PCOLCE2: variants seen among roughly 807,000 people sequenced by gnomAD.
PCOLCE2 encodes procollagen C-proteinase enhancer 2.
In PCOLCE2, 42 loss-of-function variants were observed where a neutral mutation model predicts 47.0. That is an observed-to-expected ratio of 0.89 (90% CI 0.70 to 1.16). The LOEUF (loss-of-function observed/expected upper bound fraction) is 1.16. Ranked by LOEUF, PCOLCE2 falls within the 50% of genes most tolerant of loss-of-function variation. The pLI is 0.00. For synonymous variants in PCOLCE2, 169 were observed against 191.7 expected (o/e 0.88, Z 0.98); for missense variants, 500 against 526.1 (o/e 0.95, Z 0.49).
In PCOLCE2 at chr3:142,854,363, G is replaced by C. The variant is rs371613875; in HGVS notation, c.193-5891C>G. 4.2e-3 allele frequency among the ~76,000 whole-genome samples: 642 copies of C among 151,614 alleles called. 3 individuals carry two copies. Among genetic ancestry groups the C allele is most frequent in the African/African-American group, 0.014 (585 of 41,280 alleles). On this transcript the variant is annotated intron_variant, in intron 2 of 8. Coordinates refer to ENST00000295992, the MANE Select transcript of PCOLCE2 (RefSeq NM_013363.4). Reference sequence around the variant, plus strand: ...ACGTAAAGCTCGAGGTGACCACTCAGTGTCACCTCTCCCATGGACCTCCAA... The same window carrying C: ...ACGTAAAGCTCGAGGTGACCACTCACTGTCACCTCTCCCATGGACCTCCAA...
chr3:142,849,102 G>A (rs1053138045), intron 2 of PCOLCE2, among the ~76,000 whole-genome samples: 7 of 151,668 alleles, frequency 4.6e-5, no homozygotes, highest in Non-Finnish European at 1.0e-4. Context: ...GCAGTGAGCC[G>A]AGATCGCGCC....
At chr3:142,848,024 A>G (rs1937346003) in intron 3 of PCOLCE2, among the ~76,000 whole-genome samples, 193 bp downstream of exon 3, 1 of 152,230 alleles carries the variant, frequency 6.6e-6, no homozygotes. Flanking sequence ...ATGAATTTCT[A>G]TACTTGATTT....
chr3:142,842,851 T>G lies in PCOLCE2; in HGVS notation c.573+73A>C. 26 of 1,492,920 alleles carry G rather than the reference T, an allele frequency of 1.7e-5. No individual in the cohort carries two copies. The highest frequency in any genetic ancestry group is 2.4e-5 in the Non-Finnish European group (26 of 1,077,934). The allele number at this position is 1,492,920 out of a possible 1,614,324, so 92.5% of individuals were successfully genotyped here. ...AATAGCCCCCACAACAGGAGGCTCT[T>G]GAGAGTTGGTGGGCCCCCCACACTG... On this transcript the variant is annotated intron_variant, in intron 4 of 8. Transcript: ENST00000295992. The surrounding 1 kb of genome is among the most constrained non-coding windows in gnomAD (Gnocchi z 4.1).
At chr3:142,888,669 C>T (rs895236715) in intron 1 of PCOLCE2, 145 bp downstream of exon 1, 34 of 463,962 alleles carry the variant, frequency 7.3e-5, no homozygotes, top group African/African-American at 6.1e-4. Flanking sequence ...CCGAGGGTGG[C>T]GGACGCCTGC....
At position 142,857,637 on chromosome 3, in the gene PCOLCE2, G is replaced by A. The variant is rs78259734; in HGVS notation, c.193-9165C>T. Among the ~76,000 whole-genome samples, 1,225 of 152,320 alleles carry A rather than the reference G, an allele frequency of 8.0e-3. 17 individuals are homozygous for A. Among genetic ancestry groups the A allele is most frequent in the African/African-American group, 0.028 (1,173 of 41,584 alleles). On this transcript the variant is annotated intron_variant, in intron 2 of 8. Coordinates refer to ENST00000295992, the MANE Select transcript of PCOLCE2 (RefSeq NM_013363.4). ...ACTGTAAATCATATGTGATGCCCTG[G>A]ATGACAGGTACACATCAGAACTGTC...
chr3:142,842,795 A>G lies in PCOLCE2; in HGVS notation c.573+129T>C, dbSNP rs2108194389. ...CATGAAGAAATACCTGTGTCCAGGA[A>G]CCTTCCTCTTCTTGTATCCCTTAGC... On this transcript the variant is annotated intron_variant, in intron 4 of 8. Coordinates refer to ENST00000295992, the MANE Select transcript of PCOLCE2 (RefSeq NM_013363.4). This position sits in a 1 kb window ranked among gnomAD's most constrained non-coding sequence, Gnocchi z 4.1. 1.2e-6 allele frequency: 1 copy of G among 839,684 alleles called. No homozygotes were observed. Among genetic ancestry groups the G allele is most frequent in the Non-Finnish European group, 1.9e-6 (1 of 524,314 alleles). The allele number at this position is 839,684 out of a possible 1,614,324, so 52.0% of individuals were successfully genotyped here.
In PCOLCE2 at chr3:142,823,524, T is replaced by C; in HGVS notation, c.949+8A>G. ...TTAAAGAGAAAAAGACTGGCTTTTA[T>C]TTCTTACCAAAGTCACTTGAACAAT... On this transcript the variant is annotated splice_region_variant and intron_variant, in intron 7 of 8. Transcript: ENST00000295992. 1.9e-6 allele frequency: 3 copies of C among 1,566,682 alleles called. No homozygotes were observed. The highest frequency in any genetic ancestry group is 1.4e-5 in the African/African-American group (1 of 73,972).
chr3:142,827,515 C>T, intron 6 of PCOLCE2: 1 of 1,481,744 alleles, frequency 6.7e-7, no homozygotes, highest in Non-Finnish European at 9.4e-7. Context: ...CTCCAGGCTT[C>T]TCCTCCAGGC....
At chr3:142,868,009 C>A (rs1933316043) in intron 2 of PCOLCE2, among the ~76,000 whole-genome samples, 1 of 152,078 alleles carries the variant, frequency 6.6e-6, no homozygotes. Flanking sequence ...ATAAACTCTT[C>A]CCAAATAAAC....
intron 2 of PCOLCE2, among the ~76,000 whole-genome samples, chr3:142,872,214 G>C (rs1324225782): frequency 6.6e-6 from 1 of 152,184 alleles, no homozygotes; most frequent in East Asian, 1.9e-4. Context: ...GTGACAGCCT[G>C]TCTGCCACTT....
chr3:142,835,078 T>C (rs931856891), intron 5 of PCOLCE2, among the ~76,000 whole-genome samples: 2 of 152,184 alleles, frequency 1.3e-5, no homozygotes, highest in African/African-American at 4.8e-5. Context: ...ATTTGTCTAT[T>C]AGACCAAGCC....
At chr3:142,860,704 GGCCCATGCCTTGTTCTTTAA>G (rs1933165821) in intron 2 of PCOLCE2, among the ~76,000 whole-genome samples, 2 of 152,244 alleles carry the variant, frequency 1.3e-5, no homozygotes, top group South Asian at 4.1e-4. Flanking sequence ...CACCACTCCC[GGCCCATGCCTTGTTCTTTAA>G]GTTAGCTTAG....
intron 2 of PCOLCE2, among the ~76,000 whole-genome samples, chr3:142,857,116 T>C (rs1263992708): frequency 6.6e-6 from 1 of 152,216 alleles, no homozygotes; most frequent in Non-Finnish European, 1.5e-5. Flanking sequence ...TACTTTCCCA[T>C]GCTTCCTACT....
At chr3:142,866,268 C>T (rs992315870) in intron 2 of PCOLCE2, among the ~76,000 whole-genome samples, 3 of 152,176 alleles carry the variant, frequency 2.0e-5, no homozygotes, top group Non-Finnish European at 4.4e-5. Context: ...AATTCTCTCT[C>T]TCTTCTTCCT....
At chr3:142,820,419 C>T (rs193178293) in intron 8 of PCOLCE2, among the ~76,000 whole-genome samples, 12 of 152,160 alleles carry the variant, frequency 7.9e-5, no homozygotes, top group African/African-American at 1.7e-4. Flanking sequence ...TTCCGTTTTT[C>T]GTAATTTCTT....
chr3:142,834,298 C>T (rs1057069287), intron 5 of PCOLCE2, among the ~76,000 whole-genome samples: 6 of 152,190 alleles, frequency 3.9e-5, no homozygotes, highest in Non-Finnish European at 8.8e-5. Flanking sequence ...CCCTTGCAAT[C>T]CCATGCACAT....
At chr3:142,833,979 T>G (rs1415706506) in intron 5 of PCOLCE2, among the ~76,000 whole-genome samples, 1 of 152,194 alleles carries the variant, frequency 6.6e-6, no homozygotes, top group African/African-American at 2.4e-5. Flanking sequence ...ATTTTTTGTG[T>G]GATATTAGCT....
At chr3:142,864,856 T>C (rs1346636711) in intron 2 of PCOLCE2, among the ~76,000 whole-genome samples, 1 of 152,250 alleles carries the variant, frequency 6.6e-6, no homozygotes, top group African/African-American at 2.4e-5. Flanking sequence ...TATGGCTGAA[T>C]AATATTCCAT....
chr3:142,823,735 C>T (rs757583071), intron 6 of PCOLCE2, 120 bp from the exon 7 acceptor site: 5 of 637,578 alleles, frequency 7.8e-6, no homozygotes, highest in Admixed American at 3.1e-5. Flanking sequence ...TCTATCACTA[C>T]AAAGAAAAAA....
Sources: allele counts gnomAD v4.1 joint callset (sites outside exome capture counted in the v4.1 genomes callset), GRCh38; gene constraint gnomAD v4.1.1; non-coding constraint Gnocchi (gnomAD v3.1); transcripts MANE v1.5; gene names NCBI Gene and HGNC (gene_info 2026-07-23, HGNC 2026-07-21).